HS6ST2: variants seen among roughly 807,000 people sequenced by gnomAD.
HS6ST2 encodes the protein heparan sulfate 6-O-sulfotransferase 2.
In HS6ST2, 17 loss-of-function variants were observed where a neutral mutation model predicts 33.0. That is an observed-to-expected ratio of 0.52 (90% CI 0.35 to 0.77). The LOEUF is 0.77. HS6ST2 is among the 30% of genes least tolerant of loss of function. HS6ST2 has a pLI of 0.01. For synonymous variants in HS6ST2, 248 were observed against 237.1 expected (o/e 1.05, Z -0.42); for missense variants, 519 against 551.7 (o/e 0.94, Z 0.59).
At chrX:132,687,954 C>T (rs774801719) in intron 3 of HS6ST2, among the ~76,000 whole-genome samples, 1 of 111,356 alleles carries the variant, frequency 9.0e-6, no homozygotes, top group South Asian at 3.8e-4. Flanking sequence ...TCATCATGTT[C>T]GCCAGGCTGC....
chrX:132,836,725 A>G (rs1226256687), intron 2 of HS6ST2, among the ~76,000 whole-genome samples: 1 of 112,723 alleles, frequency 8.9e-6, no homozygotes. Flanking sequence ...TTTAACAACT[A>G]GCATACTACA....
At chrX:132,901,334 C>T (rs904436767) in intron 2 of HS6ST2, among the ~76,000 whole-genome samples, 1 of 111,583 alleles carries the variant, frequency 9.0e-6, no homozygotes. Context: ...AATATATAAC[C>T]TAGTTATATA....
Position 132,741,308 on chromosome X carries a change from T to G in HS6ST2, c.948-32814A>C, listed in dbSNP as rs1339564111. The stretch of plus-strand genomic sequence containing the variant: ...GGGTTTTGTTTTTGGTTTTGTTTTT[T>G]TTTTTTTTTGAGACAGAGTCTTGCT... On this transcript the variant is annotated intron_variant, in intron 2 of 4. Transcript: ENST00000370833. 4.6e-5 allele frequency among the ~76,000 whole-genome samples: 5 copies of G among 109,382 alleles called. No homozygotes were observed. The Middle Eastern group carries it at 0.019, about 409-fold the overall frequency. 95.0% of individuals were successfully genotyped at this position (109,382 alleles called of 115,157 possible). A position where few individuals can be genotyped will look rare whatever the true frequency, so the allele number is the denominator to read the frequency against.
chrX:132,894,548 C>A (rs1417275863), intron 2 of HS6ST2, among the ~76,000 whole-genome samples: 2 of 108,888 alleles, frequency 1.8e-5, no homozygotes, highest in African/African-American at 6.7e-5. Context: ...ATGTTATTTT[C>A]TTTTCTGAGA....
At chrX:132,885,919 A>G (rs765086724) in intron 2 of HS6ST2, among the ~76,000 whole-genome samples, 1 of 112,126 alleles carries the variant, frequency 8.9e-6, no homozygotes, top group East Asian at 2.8e-4. Flanking sequence ...AAACTACCAA[A>G]CAAACAAACA....
intron 4 of HS6ST2, among the ~76,000 whole-genome samples, chrX:132,632,760 C>T (rs777651199): frequency 3.6e-5 from 4 of 110,594 alleles, no homozygotes; most frequent in Non-Finnish European, 5.7e-5. Context: ...AGGGTTTCTG[C>T]AGCTTTATTT....
At chrX:132,641,797 C>T (rs1053989194) in intron 4 of HS6ST2, among the ~76,000 whole-genome samples, 4 of 112,941 alleles carry the variant, frequency 3.5e-5, no homozygotes, top group African/African-American at 1.3e-4. Context: ...TCAGGAGTCA[C>T]AGGCCAGGAG....
chrX:132,880,961 A>AT (rs767932423), intron 2 of HS6ST2, among the ~76,000 whole-genome samples: 1 of 109,845 alleles, frequency 9.1e-6, no homozygotes, highest in East Asian at 2.9e-4. Context: ...TGCACTCATC[A>AT]TTTTTTATGG....
chrX:132,881,912 T>A (rs2066179018), intron 2 of HS6ST2, among the ~76,000 whole-genome samples: 1 of 111,681 alleles, frequency 9.0e-6, no homozygotes, highest in Non-Finnish European at 1.9e-5. Context: ...TTTTGTCAGG[T>A]TTGTCAAAGA....
chrX:132,829,078 T>C (rs1392525853), intron 2 of HS6ST2, among the ~76,000 whole-genome samples: 2 of 102,176 alleles, frequency 2.0e-5, no homozygotes, highest in African/African-American at 7.1e-5. Context: ...ACCTAGATAC[T>C]TTCCAACTTC....
chrX:132,947,223 G>C (rs763973215), intron 2 of HS6ST2, among the ~76,000 whole-genome samples: 2 of 109,956 alleles, frequency 1.8e-5, no homozygotes, highest in African/African-American at 3.3e-5. Flanking sequence ...ATATGTGTGT[G>C]TGTGTGCGTG....
chrX:132,864,061 C>T (rs761295268), intron 2 of HS6ST2, among the ~76,000 whole-genome samples: 1 of 110,676 alleles, frequency 9.0e-6, no homozygotes, highest in Admixed American at 9.7e-5. Context: ...TCAACATCAA[C>T]AAAAAGGACA....
chrX:132,847,009 C>T (rs907838553), intron 2 of HS6ST2, among the ~76,000 whole-genome samples: 1 of 111,430 alleles, frequency 9.0e-6, no homozygotes, highest in African/African-American at 3.3e-5. Context: ...AATAGTCCAT[C>T]AGAAGCAAGA....
intron 2 of HS6ST2, among the ~76,000 whole-genome samples, chrX:132,898,846 G>A (rs1398463146): frequency 2.7e-5 from 3 of 111,055 alleles, no homozygotes; most frequent in Non-Finnish European, 3.8e-5. Flanking sequence ...ATCCCTTTAT[G>A]TCTTTGGCTG....
intron 2 of HS6ST2, among the ~76,000 whole-genome samples, chrX:132,802,291 T>G (rs73638578): frequency 0.011 from 1,262 of 111,638 alleles, 8 homozygotes; most frequent in Middle Eastern, 0.051. Context: ...GCTTATTGTT[T>G]TTGTCTAAAA....
chrX:132,777,419 C>CTTTTATTTTA (rs57597049), intron 2 of HS6ST2, among the ~76,000 whole-genome samples: 2 of 105,304 alleles, frequency 1.9e-5, no homozygotes, highest in East Asian at 3.0e-4. Context: ...TTAAATATCA[C>CTTTTATTTTA]TTTTATTTTA....
Position 132,944,130 on chromosome X carries a change from C to G in HS6ST2, c.947+12678G>C, listed in dbSNP as rs747143425. On this transcript the variant is annotated intron_variant, in intron 2 of 4. Transcript: ENST00000370833. Reference sequence around the variant, plus strand: ...AAACCCCATCGTCTCAGCCCAAAACCTCCTTAAGCTGATAAGCAACTTCAG... The same window carrying G: ...AAACCCCATCGTCTCAGCCCAAAACGTCCTTAAGCTGATAAGCAACTTCAG... Among the ~76,000 whole-genome samples the G allele has an allele frequency of 1.5e-4, 17 of 111,878 alleles. No individual in the cohort carries two copies. In the East Asian group the frequency reaches 4.8e-3, roughly 32 times the overall value.
chrX:132,934,514 A>C lies in HS6ST2; in HGVS notation c.947+22294T>G, dbSNP rs973965920. On this transcript the variant is annotated intron_variant, in intron 2 of 4. Coordinates refer to ENST00000370833, the MANE Select transcript of HS6ST2 (RefSeq NM_001394073.1). ...AAGAAACAGAGCTATCTAGGAAAAC[A>C]CTTAAAGAGCTTATTGTAATTAAGT... is the stretch of plus-strand genomic sequence containing the variant. Among the ~76,000 whole-genome samples the C allele has an allele frequency of 3.5e-4, 39 of 112,180 alleles. 1 individual carries two copies. Among genetic ancestry groups the C allele is most frequent in the Admixed American group, 3.4e-3 (36 of 10,534 alleles).
At chrX:132,846,566 A>T (rs1230873171) in intron 2 of HS6ST2, among the ~76,000 whole-genome samples, 11 of 111,965 alleles carry the variant, frequency 9.8e-5, no homozygotes, top group Non-Finnish European at 2.1e-4. Flanking sequence ...AGACAGCAGG[A>T]CCTGCCTACC....
Sources: gnomAD v4.1 joint callset for allele counts (sites outside exome capture counted in the v4.1 genomes callset) on GRCh38, gnomAD v4.1.1 for gene constraint, MANE v1.5 for transcripts, NCBI Gene and HGNC (gene_info 2026-07-23, HGNC 2026-07-21) for gene names.